RAB20: variants seen among roughly 807,000 people sequenced by gnomAD.
RAB20 encodes RAB20, member RAS oncogene family.
A neutral mutation model predicts 3.7 loss-of-function variants in RAB20; 2 were observed. The observed-to-expected ratio is 0.54, with a 90% confidence interval of 0.22 to 1.69. The LOEUF is 1.69. Among genes scored for constraint, RAB20 ranks in the 40% most tolerant of loss-of-function variants. The pLI is 0.19. For missense variants in RAB20, 276 were observed against 311.9 expected, an observed-to-expected ratio of 0.88 and a Z score of 0.87; for synonymous variants, 126 against 130.8, an observed-to-expected ratio of 0.96 and a Z score of 0.25.
intron 1 of RAB20, among the ~76,000 whole-genome samples, chr13:110,546,592 G>C (rs1884852401): frequency 6.6e-6 from 1 of 152,124 alleles, no homozygotes; most frequent in South Asian, 2.1e-4. Context: ...CCCTTGGTCT[G>C]TGTGACAGGG....
chr13:110,554,564 T>A (rs1468685055), intron 1 of RAB20, among the ~76,000 whole-genome samples: 1 of 152,074 alleles, frequency 6.6e-6, no homozygotes, highest in Non-Finnish European at 1.5e-5. Flanking sequence ...CAGGCCAATC[T>A]CTTAGCTAAC....
chr13:110,530,914 T>C (rs1884527640), intron 1 of RAB20, among the ~76,000 whole-genome samples: 1 of 152,210 alleles, frequency 6.6e-6, no homozygotes, highest in African/African-American at 2.4e-5. Context: ...TCCACTCACT[T>C]TATGAGGTTT....
chr13:110,547,118 G>A (rs771453506), intron 1 of RAB20, among the ~76,000 whole-genome samples: 12 of 152,142 alleles, frequency 7.9e-5, no homozygotes, highest in South Asian at 2.1e-4. Flanking sequence ...CTGGAATGCC[G>A]CCAGTCAAGG....
At chr13:110,544,370 T>C (rs914605805) in intron 1 of RAB20, among the ~76,000 whole-genome samples, 8 of 152,232 alleles carry the variant, frequency 5.3e-5, no homozygotes, top group African/African-American at 1.9e-4. Flanking sequence ...AGCAAGAATT[T>C]TGCTGGCTAT....
intron 1 of RAB20, among the ~76,000 whole-genome samples, chr13:110,542,803 T>C (rs1233744854): frequency 6.6e-6 from 1 of 152,238 alleles, no homozygotes; most frequent in African/African-American, 2.4e-5. Flanking sequence ...ATTTCCTTTC[T>C]TCTAGACAGA....
intron 1 of RAB20, among the ~76,000 whole-genome samples, chr13:110,526,546 G>T (rs555622266): frequency 5.9e-5 from 9 of 152,102 alleles, no homozygotes; most frequent in African/African-American, 1.9e-4. Context: ...GGACAGTGTC[G>T]ACCACTAGCA....
At chr13:110,538,180 A>AGTG (rs1287799639) in intron 1 of RAB20, among the ~76,000 whole-genome samples, 1 of 148,392 alleles carries the variant, frequency 6.7e-6, no homozygotes, top group African/African-American at 2.5e-5. Flanking sequence ...TCAAGGCTGC[A>AGTG]GTGAGCCGTG....
intron 1 of RAB20, among the ~76,000 whole-genome samples, chr13:110,540,869 G>A (rs899007605): frequency 6.6e-6 from 1 of 152,048 alleles, no homozygotes; most frequent in Admixed American, 6.6e-5. Flanking sequence ...CAAAGAAGGC[G>A]AGGAGCTGGA....
At chr13:110,532,868 A>C (rs1208634096) in intron 1 of RAB20, among the ~76,000 whole-genome samples, 1 of 151,914 alleles carries the variant, frequency 6.6e-6, no homozygotes, top group Admixed American at 6.6e-5. Context: ...TTGTGTAGAG[A>C]TGGGGACTTA....
Position 110,538,595 on chromosome 13 carries a change from C to G in RAB20, c.173-14398G>C, listed in dbSNP as rs1276100039. Among the ~76,000 whole-genome samples the G allele has an allele frequency of 5.9e-5, 4 of 68,010 alleles. No homozygotes were observed. In the South Asian group the frequency reaches 1.8e-3, roughly 30 times the overall value. 44.6% of individuals were successfully genotyped at this position (68,010 alleles called of 152,430 possible). A position where few individuals can be genotyped will look rare whatever the true frequency, so the allele number is the denominator to read the frequency against. On this transcript the variant is annotated intron_variant, in intron 1 of 1. Transcript: ENST00000267328. ...CACTCCAGCCTGGGTGAGATCTTCT[C>G]TCAAAAAAAAAAAAAAAAAAAAAGA... is the stretch of plus-strand genomic sequence containing the variant.
Position 110,561,555 on chromosome 13 carries a change from T to C in RAB20, c.-36A>G, listed in dbSNP as rs1566594350. The C allele has an allele frequency of 1.3e-6, 2 of 1,514,594 alleles. No individual in the cohort carries two copies. Among genetic ancestry groups the C allele is most frequent in the Non-Finnish European group, 8.8e-7 (1 of 1,133,364 alleles). The allele number at this position is 1,514,594 out of a possible 1,614,324, so 93.8% of individuals were successfully genotyped here. ...GAACCCCCAGCGCCCCCGCGCCCTCTCCCCGAGGCTGGCCGGCTCGTGCGC... is the reference window on the plus strand; with the variant it reads ...GAACCCCCAGCGCCCCCGCGCCCTCCCCCCGAGGCTGGCCGGCTCGTGCGC... On this transcript the variant is annotated 5_prime_UTR_variant, in exon 1 of 2. Transcript: ENST00000267328.
intron 1 of RAB20, among the ~76,000 whole-genome samples, chr13:110,553,749 C>A (rs1043714782): frequency 6.6e-6 from 1 of 152,152 alleles, no homozygotes; most frequent in African/African-American, 2.4e-5. Context: ...CATATTAAGG[C>A]CTCAAAAACC....
At chr13:110,557,362 T>C (rs761529498) in intron 1 of RAB20, among the ~76,000 whole-genome samples, 1 of 152,118 alleles carries the variant, frequency 6.6e-6, no homozygotes, top group Non-Finnish European at 1.5e-5. Flanking sequence ...AGGGAAGAAT[T>C]GTCGAACAAA....
At chr13:110,529,654 C>A (rs1039617761) in intron 1 of RAB20, among the ~76,000 whole-genome samples, 1 of 152,156 alleles carries the variant, frequency 6.6e-6, no homozygotes, top group African/African-American at 2.4e-5. Flanking sequence ...GTCTGGTGAA[C>A]GGAGCCAGGC....
chr13:110,531,051 A>T (rs1430163364), intron 1 of RAB20, among the ~76,000 whole-genome samples: 1 of 152,242 alleles, frequency 6.6e-6, no homozygotes, highest in Non-Finnish European at 1.5e-5. Context: ...TAGCTATGGG[A>T]AGAAGCATGG....
chr13:110,557,829 T>C (rs1198938253), intron 1 of RAB20, among the ~76,000 whole-genome samples: 1 of 152,216 alleles, frequency 6.6e-6, no homozygotes, highest in Admixed American at 6.5e-5. Context: ...GGCCACGGCC[T>C]TTAGAAGGGA....
At chr13:110,544,894 C>T (rs1220368998) in intron 1 of RAB20, among the ~76,000 whole-genome samples, 1 of 152,188 alleles carries the variant, frequency 6.6e-6, no homozygotes, top group African/African-American at 2.4e-5. Flanking sequence ...GAGGGACCCA[C>T]AGGGAGGCAA....
At chr13:110,534,059 G>T (rs1418393744) in intron 1 of RAB20, among the ~76,000 whole-genome samples, 1 of 152,204 alleles carries the variant, frequency 6.6e-6, no homozygotes, top group Non-Finnish European at 1.5e-5. Context: ...CAGCAGTTTG[G>T]TCCTGCACTA....
Position 110,523,588 on chromosome 13 carries a change from G to C in RAB20, c.*77C>G, listed in dbSNP as rs1037330502. On this transcript the variant is annotated 3_prime_UTR_variant, in exon 2 of 2. Transcript: ENST00000267328. ...GGAAAATAATTCCTTGCTGTTCCTT[G>C]CTCCTTTCAGATCACAGCTTGCCTG... is the stretch of plus-strand genomic sequence containing the variant. The C allele has an allele frequency of 6.5e-7, 1 of 1,544,922 alleles. No individual in the cohort carries two copies. Among genetic ancestry groups the C allele is most frequent in the African/African-American group, 1.4e-5 (1 of 72,728 alleles).
Sources: allele counts gnomAD v4.1 joint callset (sites outside exome capture counted in the v4.1 genomes callset), GRCh38; gene constraint gnomAD v4.1.1; transcripts MANE v1.5; gene names NCBI Gene and HGNC (gene_info 2026-07-23, HGNC 2026-07-21).